ATP7A: variants seen among roughly 807,000 people sequenced by gnomAD.
ATP7A encodes copper-transporting ATPase 1.
ATP7A carries 7 observed loss-of-function variants against 83.5 expected under a neutral mutation model. The observed-to-expected ratio is 0.08, with a 90% CI of 0.05 to 0.16. ATP7A has a LOEUF of 0.16. Ranked by LOEUF, ATP7A falls within the 10% of genes least tolerant of loss-of-function variation. The pLI is 1.00. For missense variants in ATP7A, 940 were observed against 1,120.8 expected, an observed-to-expected ratio of 0.84 and a Z score of 2.30; for synonymous variants, 354 against 395.2, an observed-to-expected ratio of 0.90 and a Z score of 1.24.
Position 78,011,637 on chromosome X carries a change from T to A in ATP7A, c.2135T>A (p.Met712Lys). Residue 712 changes from methionine (M) to lysine (K), a missense_variant, in exon 9 of 23, where the codon ATG (methionine) becomes AAG (lysine). This residue lies in a region of ATP7A where 204 missense variants were observed against 185.8 expected (regional missense o/e 1.10). Transcript: ENST00000341514. ...ERQILPGLSV[M>K]NLLSFLLCVP... ...CAGATTCTTCCAGGATTGTCTGTTA[T>A]GAATTTGCTGTCCTTTTTATTGTGT... is the stretch of plus-strand genomic sequence containing the variant. 8.3e-7 allele frequency: 1 copy of A among 1,211,061 alleles called. No individual in the cohort carries two copies. The highest frequency in any genetic ancestry group is 1.8e-5 in the South Asian group (1 of 56,992).
chrX:78,015,803 G>A lies in ATP7A; in HGVS notation c.2548G>A (p.Val850Ile). Residue 850 changes from valine to isoleucine, a missense_variant, in exon 12 of 23, where the codon GTA becomes ATA. Val to Ile is a conservative substitution (Grantham distance 29, BLOSUM62 3). This residue lies in a region of ATP7A where 386 missense variants were observed against 502.2 expected (regional missense o/e 0.77). Coordinates refer to ENST00000341514, the MANE Select transcript of ATP7A (RefSeq NM_000052.7). Reference protein sequence around the residue: ...ELVQRGDIIKVVPGGKFPVDG... With the variant: ...ELVQRGDIIKIVPGGKFPVDG... Reference sequence around the variant, plus strand: ...TGTACAACGTGGAGATATCATTAAAGTAGTTCCAGGAGGCAAATTTCCAGT... The same window carrying A: ...TGTACAACGTGGAGATATCATTAAAATAGTTCCAGGAGGCAAATTTCCAGT... 1 of 1,211,356 alleles carries A rather than the reference G, an allele frequency of 8.3e-7. No homozygotes were observed. The highest frequency in any genetic ancestry group is 1.8e-5 in the South Asian group (1 of 56,999).
At chrX:77,959,191 A>G (rs140438038) in intron 1 of ATP7A, among the ~76,000 whole-genome samples, 4,062 of 110,309 alleles carry the variant, frequency 0.037, 80 homozygotes, top group Non-Finnish European at 0.059. Flanking sequence ...TTTTTTTTTC[A>G]GGTGGTTTGC....
At chrX:77,940,119 C>T (rs1351571927) in intron 1 of ATP7A, among the ~76,000 whole-genome samples, 4 of 110,078 alleles carry the variant, frequency 3.6e-5, no homozygotes, top group Admixed American at 9.7e-5. Context: ...CCTTATTAGA[C>T]AAAAAAATGC....
At chrX:77,976,299 C>T (rs2077576593) in intron 2 of ATP7A, among the ~76,000 whole-genome samples, 1 of 112,277 alleles carries the variant, frequency 8.9e-6, no homozygotes, top group Non-Finnish European at 1.9e-5. Flanking sequence ...CTTGTGAGAG[C>T]TCTACTTTTT....
intron 4 of ATP7A, among the ~76,000 whole-genome samples, chrX:77,995,801 T>C (rs1334917393): frequency 2.7e-5 from 3 of 110,978 alleles, no homozygotes; most frequent in Non-Finnish European, 5.7e-5. Flanking sequence ...TGGAGTGCAG[T>C]GGCACAATCT....
intron 11 of ATP7A, 61 bp downstream of exon 11, chrX:78,014,814 T>C: frequency 1.2e-6 from 1 of 833,696 alleles, no homozygotes; most frequent in Non-Finnish European, 1.8e-6. Flanking sequence ...ATTTCAAATA[T>C]ATACAGAAGT....
At position 77,953,767 on chromosome X, in the gene ATP7A, T is replaced by C. The variant is rs781865399; in HGVS notation, c.-21-17854T>C. Among the ~76,000 whole-genome samples the C allele has an allele frequency of 7.1e-5, 8 of 112,582 alleles. No individual in the cohort carries two copies. The South Asian group carries it at 2.9e-3, about 41-fold the overall frequency. On this transcript the variant is annotated intron_variant, in intron 1 of 22. Coordinates refer to ENST00000341514, the MANE Select transcript of ATP7A (RefSeq NM_000052.7). Reference sequence around the variant, plus strand: ...TTTGGCTGGTTTTACTTTATGACTTTTGCACACATTGCCCTGTTAAGTTAA... The same window carrying C: ...TTTGGCTGGTTTTACTTTATGACTTCTGCACACATTGCCCTGTTAAGTTAA...
At chrX:77,944,834 G>GTATTTATTTATTTATT (rs376448530) in intron 1 of ATP7A, among the ~76,000 whole-genome samples, 1 of 107,379 alleles carries the variant, frequency 9.3e-6, no homozygotes, top group African/African-American at 3.5e-5. Flanking sequence ...ATGTATGTGT[G>GTATTTATTTATTTATT]TATTTATTTA....
At position 78,047,836 on chromosome X, in the gene ATP7A, G is replaced by T. The variant is rs1255316081; in HGVS notation, c.*1266G>T. ...TCCACCCGCCTTGGCCTCCCAAAGT[G>T]CTGGGATTACAGGTGTGAGCCTCCA... On this transcript the variant is annotated 3_prime_UTR_variant, in exon 23 of 23. Transcript: ENST00000341514. 8.9e-6 allele frequency: 1 copy of T among 112,013 alleles called. No homozygotes were observed. The highest frequency in any genetic ancestry group is 1.9e-5 in the Non-Finnish European group (1 of 53,278). 9.2% of individuals were successfully genotyped at this position (112,013 alleles called of 1,213,427 possible).
At chrX:77,982,028 A>C (rs1557230944) in intron 2 of ATP7A, among the ~76,000 whole-genome samples, 2 of 111,775 alleles carry the variant, frequency 1.8e-5, no homozygotes, top group African/African-American at 6.5e-5. Flanking sequence ...TAATGTAAAT[A>C]CATTATATTT....
At chrX:77,967,289 A>G (rs1557228891) in intron 1 of ATP7A, among the ~76,000 whole-genome samples, 2 of 111,740 alleles carry the variant, frequency 1.8e-5, no homozygotes. Context: ...TGCTGGGTCA[A>G]ATGGTATTTC....
chrX:78,035,328 T>A (rs1396289088), intron 17 of ATP7A, among the ~76,000 whole-genome samples: 1 of 111,915 alleles, frequency 8.9e-6, no homozygotes, highest in Non-Finnish European at 1.9e-5. Flanking sequence ...TCCCGATTTG[T>A]GCCTGAGTGA....
chrX:77,925,260 T>A (rs1393343101), intron 1 of ATP7A, among the ~76,000 whole-genome samples: 11 of 111,920 alleles, frequency 9.8e-5, no homozygotes, highest in Non-Finnish European at 2.1e-4. Context: ...TTTCTCCCAA[T>A]ATGTTAACTG....
chrX:77,953,761 T>C (rs1380926815), intron 1 of ATP7A, among the ~76,000 whole-genome samples: 1 of 112,603 alleles, frequency 8.9e-6, no homozygotes, highest in Non-Finnish European at 1.9e-5. Flanking sequence ...TTTTACTTTA[T>C]GACTTTTGCA....
chrX:78,031,471 T>A lies in ATP7A; in HGVS notation c.3183T>A (p.Val1061=). 1 of 1,210,923 alleles carries A rather than the reference T, an allele frequency of 8.3e-7. No individual in the cohort carries two copies. The highest frequency in any genetic ancestry group is 1.1e-6 in the Non-Finnish European group (1 of 894,653). ...CCCCAGTGGTGAATCAAGTAAAGGT[T>A]CTAACTGAAAGTAACAGAATATCAC... is the stretch of plus-strand genomic sequence containing the variant. ...HGTPVVNQVK[V]LTESNRISHH... The change falls in exon 16 of 23, where the codon GTT becomes GTA. Residue 1061 remains valine, a synonymous_variant. Transcript: ENST00000341514.
rs782301886 is a variant in ATP7A at position 77,912,260 on chromosome X, G to C, written c.-22+1425G>C. On this transcript the variant is annotated intron_variant, in intron 1 of 22. Transcript: ENST00000341514. ...ATATTAGAAACAGGAGGTGTTATGA[G>C]AGTGCAGGGAAGGGAGCATGTGAAC... 1.8e-3 allele frequency among the ~76,000 whole-genome samples: 205 copies of C among 111,685 alleles called. 1 individual carries two copies. Among genetic ancestry groups the C allele is most frequent in the Middle Eastern group, 0.014 (3 of 219 alleles).
At chrX:78,019,708 T>C (rs1231522682) in intron 12 of ATP7A, among the ~76,000 whole-genome samples, 1 of 110,875 alleles carries the variant, frequency 9.0e-6, no homozygotes, top group East Asian at 2.8e-4. Flanking sequence ...AAGCCATCTG[T>C]CTGCCTCAGC....
At chrX:77,956,783 C>CTTTCT (rs2077446410) in intron 1 of ATP7A, among the ~76,000 whole-genome samples, 2 of 94,592 alleles carry the variant, frequency 2.1e-5, no homozygotes, top group African/African-American at 7.8e-5. Context: ...TTCTTTCTTT[C>CTTTCT]TTTCTCTTTC....
Position 78,015,862 on chromosome X carries a change from A to G in ATP7A, c.2607A>G (p.Val869=), listed in dbSNP as rs61053012. The G allele has an allele frequency of 3.1e-5, 38 of 1,210,379 alleles. No individual in the cohort carries two copies. In the African/African-American group the frequency reaches 6.4e-4, roughly 21 times the overall value. The change falls in exon 12 of 23, where the codon GTA becomes GTG. Residue 869 remains valine (V), a synonymous_variant. Transcript: ENST00000341514. ...GTGTTATTGAAGGACATTCTATGGT[A>G]GATGAGTCCCTCATCACAGGTATGT... ...DGRVIEGHSM[V]DESLITGEAM...
Sources: allele counts gnomAD v4.1 joint callset (sites outside exome capture counted in the v4.1 genomes callset), GRCh38; gene constraint gnomAD v4.1.1; regional missense constraint gnomAD v4.1.1; transcripts MANE v1.5; gene names NCBI Gene and HGNC (gene_info 2026-07-23, HGNC 2026-07-21).